Variants in CFAP54 observed in about 807,000 individuals in gnomAD.
CFAP54 encodes the protein cilia and flagella associated protein 54.
CFAP54 carries 290 observed loss-of-function variants against 370.4 expected under a neutral mutation model. The observed-to-expected ratio is 0.78, with a 90% CI of 0.71 to 0.86. The LOEUF (loss-of-function observed/expected upper bound fraction) is 0.86. Ranked by LOEUF, CFAP54 falls within the 40% of genes least tolerant of loss-of-function variation. The pLI is 0.00. For synonymous variants in CFAP54, 1,206 were observed against 1,236.5 expected (o/e 0.98, Z 0.52); for missense variants, 3,399 against 3,528.7 (o/e 0.96, Z 0.93).
intron 63 of CFAP54, among the ~76,000 whole-genome samples, chr12:96,804,295 C>A (rs1232196037): frequency 1.3e-5 from 2 of 152,140 alleles, no homozygotes; most frequent in Non-Finnish European, 2.9e-5. Flanking sequence ...CCACAGCTAT[C>A]AGGCAAGAGA....
intron 26 of CFAP54, among the ~76,000 whole-genome samples, chr12:96,619,544 A>G (rs1054886982): frequency 2.6e-5 from 4 of 152,178 alleles, no homozygotes; most frequent in Non-Finnish European, 4.4e-5. Context: ...TGCATGATTT[A>G]AAAATTGTTA....
chr12:96,677,616 G>A (rs1444460546), intron 39 of CFAP54, among the ~76,000 whole-genome samples: 2 of 152,102 alleles, frequency 1.3e-5, no homozygotes, highest in South Asian at 4.1e-4. Context: ...GTGGGGACAG[G>A]GCAGAGCAGA....
intron 66 of CFAP54, among the ~76,000 whole-genome samples, chr12:96,858,506 T>C (rs1959778340): frequency 6.6e-6 from 1 of 152,232 alleles, no homozygotes; most frequent in Admixed American, 6.5e-5. Context: ...TAGATCCCAC[T>C]TGCCAATTTT....
chr12:96,794,540 C>G (rs1027223699), intron 63 of CFAP54, among the ~76,000 whole-genome samples: 2 of 151,416 alleles, frequency 1.3e-5, no homozygotes, highest in Non-Finnish European at 2.9e-5. Flanking sequence ...TTGAGACTTT[C>G]CATTGTATTT....
rs1958994711 is a variant in CFAP54 at position 96,817,853 on chromosome 12, C to G, written c.9036C>G (p.Thr3012=). The change falls in exon 65 of 68, where the codon ACC becomes ACG. Residue 3012 remains threonine, a synonymous_variant. Transcript: ENST00000524981. ...ELSLPAAPEI[T]SNENIYEVEV... is the part of the protein sequence containing the mutation. ...CATTGCCAGCAGCTCCTGAAATTAC[C>G]TCAAATGAAAACATATATGAAGTAG... 1 of 1,515,280 alleles carries G rather than the reference C, an allele frequency of 6.6e-7. No individual in the cohort carries two copies. The highest frequency in any genetic ancestry group is 1.4e-5 in the African/African-American group (1 of 72,362). 93.9% of individuals were successfully genotyped at this position (1,515,280 alleles called of 1,614,324 possible). A position where few individuals can be genotyped will look rare whatever the true frequency, so the allele number is the denominator to read the frequency against.
intron 50 of CFAP54, among the ~76,000 whole-genome samples, chr12:96,727,103 G>A (rs1592728294): frequency 1.3e-5 from 2 of 152,058 alleles, no homozygotes; most frequent in East Asian, 3.9e-4. Flanking sequence ...CAACTATGTG[G>A]TCAATTTTGG....
At position 96,658,040 on chromosome 12, in the gene CFAP54, T is replaced by C. The variant is rs1215941971; in HGVS notation, c.5259T>C (p.Val1753=). 1.2e-6 allele frequency: 2 copies of C among 1,614,068 alleles called. No individual in the cohort carries two copies. The highest frequency in any genetic ancestry group is 3.3e-5 in the Admixed American group (2 of 60,020). ...IHDFVLKSLE[V]LYQVEKWETL... is the part of the protein sequence containing the mutation. ...ACTTTGTATTAAAATCTCTGGAAGT[T>C]TTATATCAAGTGGAAAAATGGGAAA... Residue 1753 remains valine, a synonymous_variant, in exon 37 of 68, where the codon GTT becomes GTC. Coordinates refer to ENST00000524981, the MANE Select transcript of CFAP54 (RefSeq NM_001306084.2).
In CFAP54 at chr12:96,531,596, G is replaced by A. The variant is rs139400841; in HGVS notation, c.1358-2196G>A. Among the ~76,000 whole-genome samples, 656 of 151,916 alleles carry A rather than the reference G, an allele frequency of 4.3e-3. 5 individuals are homozygous for A. Among genetic ancestry groups the A allele is most frequent in the Non-Finnish European group, 6.7e-3 (457 of 67,950 alleles). The stretch of plus-strand genomic sequence containing the variant: ...TTTATTCTTTTCATGTCTTTATTCT[G>A]TTGCATTCTGGGAAGCTTCCTCTAT... On this transcript the variant is annotated intron_variant, in intron 9 of 67. Transcript: ENST00000524981.
intron 66 of CFAP54, among the ~76,000 whole-genome samples, chr12:96,841,663 C>T (rs1459150596): frequency 2.0e-5 from 3 of 152,228 alleles, no homozygotes; most frequent in Non-Finnish European, 4.4e-5. Flanking sequence ...TTTTCTCAAC[C>T]ACTTGTGGTA....
chr12:96,794,977 C>T (rs1958744949), intron 63 of CFAP54, among the ~76,000 whole-genome samples: 1 of 152,154 alleles, frequency 6.6e-6, no homozygotes, highest in African/African-American at 2.4e-5. Context: ...ATGGAGCTTC[C>T]TGAGAACTGA....
At chr12:96,868,303 G>A (rs1960059079) in intron 67 of CFAP54, among the ~76,000 whole-genome samples, 1 of 151,862 alleles carries the variant, frequency 6.6e-6, no homozygotes, top group South Asian at 2.1e-4. Flanking sequence ...TTATTCTTAG[G>A]TTTAGATTTA....
At chr12:96,846,975 C>T (rs1245381043) in intron 66 of CFAP54, among the ~76,000 whole-genome samples, 1 of 152,106 alleles carries the variant, frequency 6.6e-6, no homozygotes, top group Non-Finnish European at 1.5e-5. Flanking sequence ...CAGTTAAGGG[C>T]TCAGTCCTGT....
At chr12:96,546,631 C>G (rs1276075232) in intron 14 of CFAP54, among the ~76,000 whole-genome samples, 1 of 152,128 alleles carries the variant, frequency 6.6e-6, no homozygotes, top group Admixed American at 6.5e-5. Flanking sequence ...GAGTTCAAGA[C>G]CAGTATGGCC....
chr12:96,836,760 A>T (rs1418588545), intron 66 of CFAP54, among the ~76,000 whole-genome samples: 3 of 152,316 alleles, frequency 2.0e-5, no homozygotes, highest in Non-Finnish European at 4.4e-5. Context: ...TACATTATTA[A>T]TGTGCATTCC....
At chr12:96,663,772 G>A (rs1333110477) in intron 38 of CFAP54, 58 bp from the exon 39 acceptor site, 7 of 1,236,048 alleles carry the variant, frequency 5.7e-6, no homozygotes, top group Non-Finnish European at 8.2e-6. Flanking sequence ...TTTCAAGTAA[G>A]CGAAATTTTT....
chr12:96,833,313 G>C (rs1235179399), intron 66 of CFAP54, among the ~76,000 whole-genome samples: 1 of 152,124 alleles, frequency 6.6e-6, no homozygotes, highest in Non-Finnish European at 1.5e-5. Flanking sequence ...ACCATGGAAT[G>C]GGCTAAGTTC....
In CFAP54 at chr12:96,708,763, A is replaced by G. The variant is rs774103628; in HGVS notation, c.6684A>G (p.Val2228=). The G allele has an allele frequency of 6.2e-7, 1 of 1,608,780 alleles. No individual in the cohort carries two copies. The highest frequency in any genetic ancestry group is 2.2e-5 in the East Asian group (1 of 44,800). ...TCCCAGAAAATAAATTTAAGACAGT[A>G]ATTACCAACAAGAGCAAACCAAACC... The part of the protein sequence containing the change: ...NCVPENKFKT[V]ITNKSKPNLP... Residue 2228 remains valine, a synonymous_variant, in exon 48 of 68, where the codon GTA becomes GTG. Transcript: ENST00000524981.
intron 26 of CFAP54, among the ~76,000 whole-genome samples, chr12:96,607,980 G>A (rs1368274904): frequency 1.3e-5 from 2 of 151,990 alleles, no homozygotes; most frequent in Non-Finnish European, 2.9e-5. Context: ...ACTTATCTGA[G>A]GAAAACACTT....
chr12:96,739,536 T>C (rs1283671994), intron 50 of CFAP54, among the ~76,000 whole-genome samples: 1 of 152,220 alleles, frequency 6.6e-6, no homozygotes, highest in Non-Finnish European at 1.5e-5. Flanking sequence ...CTCAGAAAGC[T>C]GGAGAATCAC....
Sources: allele counts gnomAD v4.1 joint callset (sites outside exome capture counted in the v4.1 genomes callset), GRCh38; gene constraint gnomAD v4.1.1; transcripts MANE v1.5; gene names NCBI Gene and HGNC (gene_info 2026-07-23, HGNC 2026-07-21).